Variants in CNTNAP1 observed in about 807,000 individuals in gnomAD.
CNTNAP1 encodes the protein contactin-associated protein 1.
In CNTNAP1, 80 loss-of-function variants were observed where a neutral mutation model predicts 161.5. The ratio of observed to expected loss-of-function variants is 0.50; its 90% CI spans 0.41 to 0.60. CNTNAP1 has a LOEUF of 0.60. Among genes scored for constraint, CNTNAP1 ranks in the 20% least tolerant of loss-of-function variants. CNTNAP1 has a pLI of 0.00. For synonymous variants in CNTNAP1, 695 were observed against 733.1 expected, an observed-to-expected ratio of 0.95 and a Z score of 0.84; for missense variants, 1,464 against 1,854.8, an observed-to-expected ratio of 0.79 and a Z score of 3.87.
Position 42,682,652 on chromosome 17 carries a change from A to C in CNTNAP1, c.-178A>C. 7 of 610,318 alleles carry C rather than the reference A, an allele frequency of 1.1e-5. No individual in the cohort carries two copies. The highest frequency in any genetic ancestry group is 1.8e-5 in the Non-Finnish European group (6 of 342,364). 37.8% of individuals were successfully genotyped at this position (610,318 alleles called of 1,614,324 possible). A position where few individuals can be genotyped will look rare whatever the true frequency, so the allele number is the denominator to read the frequency against. On this transcript the variant is annotated 5_prime_UTR_variant, in exon 1 of 24. Coordinates refer to ENST00000264638, the MANE Select transcript of CNTNAP1 (RefSeq NM_003632.3). Reference sequence around the variant, plus strand: ...CAGGAACCAGAGAGAGAGAGAGAGAAAAGAGAGAGGAGAGACAGAGCGCTT... The same window carrying C: ...CAGGAACCAGAGAGAGAGAGAGAGACAAGAGAGAGGAGAGACAGAGCGCTT...
chr17:42,684,897 C>T (rs2052983909), intron 3 of CNTNAP1, 94 bp from the exon 4 acceptor site: 1 of 1,438,950 alleles, frequency 6.9e-7, no homozygotes. Context: ...CGCACTCCAG[C>T]CTGGGCGACA....
intron 3 of CNTNAP1, 121 bp downstream of exon 3, chr17:42,684,350 ACT>A: frequency 4.5e-6 from 4 of 890,686 alleles, no homozygotes; most frequent in South Asian, 1.6e-5. Flanking sequence ...AGGAGCAGTG[ACT>A]CCACTCCAGG....
chr17:42,683,909 C>T lies in CNTNAP1; in HGVS notation c.156C>T (p.Phe52=). 1 of 1,613,824 alleles carries T rather than the reference C, an allele frequency of 6.2e-7. No individual in the cohort carries two copies. Among genetic ancestry groups the T allele is most frequent in the Non-Finnish European group, 8.5e-7 (1 of 1,179,948 alleles). The change falls in exon 2 of 24, where the codon TTC becomes TTT. Residue 52 remains phenylalanine (F), a synonymous_variant. Coordinates refer to ENST00000264638, the MANE Select transcript of CNTNAP1 (RefSeq NM_003632.3). The stretch of plus-strand genomic sequence containing the variant: ...ACAGTCTCCTTACTGCGCCGAGATT[C>T]GCCAGGCTGCACGGTGAGCTCCGCG... ...SYYSLLTAPR[F]ARLHGISGWS...
Position 42,698,534 on chromosome 17 carries a change from C to CGCGTGTGT in CNTNAP1, c.3863-83_3863-82insCGTGTGTG, listed in dbSNP as rs1460008129. On this transcript the variant is annotated intron_variant, in intron 23 of 23. Coordinates refer to ENST00000264638, the MANE Select transcript of CNTNAP1 (RefSeq NM_003632.3). ...TATACAGGTGAAATCTCAAAGAGTG[C>CGCGTGTGT]GTGTGTGTGTGTGTGTGTGTGTGTG... The CGCGTGTGT allele has an allele frequency of 8.1e-6, 7 of 865,210 alleles. No individual in the cohort carries two copies. In the African/African-American group the frequency reaches 1.3e-4, roughly 17 times the overall value. The allele number at this position is 865,210 out of a possible 1,614,324, so 53.6% of individuals were successfully genotyped here. A position where few individuals can be genotyped will look rare whatever the true frequency, so the allele number is the denominator to read the frequency against.
chr17:42,686,224 C>T (rs2053005767), intron 6 of CNTNAP1, 83 bp downstream of exon 6: 1 of 1,391,026 alleles, frequency 7.2e-7, no homozygotes, highest in Admixed American at 1.7e-5. Flanking sequence ...TTTCTCTTTT[C>T]CTCTGTCTCT....
Position 42,687,474 on chromosome 17 carries a change from T to C in CNTNAP1, c.1045-246T>C. On this transcript the variant is annotated intron_variant, in intron 7 of 23. Coordinates refer to ENST00000264638, the MANE Select transcript of CNTNAP1 (RefSeq NM_003632.3). The surrounding 1 kb of genome is among the most constrained non-coding windows in gnomAD (Gnocchi z 4.7). ...CTCGATACTGGAAGGAGAGAAGCGG[T>C]CGAATCGCAGACGGTGGAGATCAGC... 1 of 575,382 alleles carries C rather than the reference T, an allele frequency of 1.7e-6. No homozygotes were observed. Among genetic ancestry groups the C allele is most frequent in the Admixed American group, 3.2e-5 (1 of 31,022 alleles). The allele number at this position is 575,382 out of a possible 1,614,324, so 35.6% of individuals were successfully genotyped here.
chr17:42,698,495 A>G (rs2053180556), intron 23 of CNTNAP1, 123 bp from the exon 24 acceptor site: 2 of 771,454 alleles, frequency 2.6e-6, no homozygotes, highest in Admixed American at 2.9e-5. Context: ...GTGAAATCCC[A>G]AAGTGTGTGT....
At position 42,698,955 on chromosome 17, in the gene CNTNAP1, C is replaced by G. The variant is rs1360469755; in HGVS notation, c.*45C>G. 3 of 1,472,352 alleles carry G rather than the reference C, an allele frequency of 2.0e-6. No individual in the cohort carries two copies. Among genetic ancestry groups the G allele is most frequent in the Admixed American group, 4.6e-5 (2 of 43,798 alleles). 91.2% of individuals were successfully genotyped at this position (1,472,352 alleles called of 1,614,324 possible). ...CCAATTCCAGCTCCTGACATTCCCC[C>G]AGTCCTGCCTCTCCCCCATCCTATC... is the stretch of plus-strand genomic sequence containing the variant. On this transcript the variant is annotated 3_prime_UTR_variant, in exon 24 of 24. Transcript: ENST00000264638.
Position 42,694,610 on chromosome 17 carries a change from G to C in CNTNAP1, c.2993-911G>C, listed in dbSNP as rs561427736. On this transcript the variant is annotated intron_variant, in intron 18 of 23. Transcript: ENST00000264638. ...GTGCCACTGCACTCCAGCCTGGGGGGCACAGCAAGGACTGTGTCTACAAAA... is the reference window on the plus strand; with the variant it reads ...GTGCCACTGCACTCCAGCCTGGGGGCCACAGCAAGGACTGTGTCTACAAAA... 1.1e-4 allele frequency among the ~76,000 whole-genome samples: 16 copies of C among 148,566 alleles called. 1 individual carries two copies. Among genetic ancestry groups the C allele is most frequent in the Admixed American group, 1.1e-3 (16 of 14,884 alleles).
At chr17:42,682,929 G>C in intron 1 of CNTNAP1, 33 bp downstream of exon 1, 1 of 1,573,286 alleles carries the variant, frequency 6.4e-7, no homozygotes, top group Non-Finnish European at 8.6e-7. Flanking sequence ...GGTGGGGTTG[G>C]GCCCAGGAGT....
intron 18 of CNTNAP1, among the ~76,000 whole-genome samples, chr17:42,694,523 G>A (rs954822457): frequency 2.0e-5 from 3 of 151,982 alleles, no homozygotes; most frequent in Non-Finnish European, 2.9e-5. Flanking sequence ...CTAGCTACTC[G>A]GGAGGCTGAG....
rs36010851 is a variant in CNTNAP1 at position 42,693,251 on chromosome 17, G to A, written c.2753-46G>A. On this transcript the variant is annotated intron_variant, in intron 17 of 23. Coordinates refer to ENST00000264638, the MANE Select transcript of CNTNAP1 (RefSeq NM_003632.3). The stretch of plus-strand genomic sequence containing the variant: ...TGGGATTACAGGCGTGAGCCACCGC[G>A]CCTGGCCCTGCCTCCATTTCTTGAC... The A allele has an allele frequency of 7.4e-3, 11,864 of 1,608,082 alleles. 51 individuals are homozygous for A. Among genetic ancestry groups the A allele is most frequent in the Middle Eastern group, 0.02 (120 of 6,026 alleles).
At chr17:42,692,828 G>A in intron 17 of CNTNAP1, 108 bp downstream of exon 17, 2 of 949,010 alleles carry the variant, frequency 2.1e-6, no homozygotes, top group Non-Finnish European at 3.1e-6. Flanking sequence ...AGTCCCCTCT[G>A]CTTCAGAGCA....
In CNTNAP1 at chr17:42,695,588, A is replaced by G; in HGVS notation, c.3060A>G (p.Ala1020=). The stretch of plus-strand genomic sequence containing the variant: ...ACCTACAGTCAGCGCTGCGCTCTGC[A>G]GCCAGGGAGTTCTCCCACATGCTGA... ...RYNLQSALRS[A]AREFSHMLSR... The change falls in exon 19 of 24, where the codon GCA becomes GCG. Residue 1020 remains alanine (A), a synonymous_variant. Coordinates refer to ENST00000264638, the MANE Select transcript of CNTNAP1 (RefSeq NM_003632.3). The G allele has an allele frequency of 6.2e-7, 1 of 1,614,168 alleles. No homozygotes were observed. Among genetic ancestry groups the G allele is most frequent in the Non-Finnish European group, 8.5e-7 (1 of 1,180,024 alleles).
rs376191369 is a variant in CNTNAP1 at position 42,693,556 on chromosome 17, G to A, written c.2992+20G>A. The A allele has an allele frequency of 2.5e-6, 4 of 1,608,304 alleles. No individual in the cohort carries two copies. The African/African-American group carries it at 4.0e-5, about 16-fold the overall frequency. ...ACCACGGTAAGTGCTGCTGGTTATG[G>A]GGCAACAGGGAGCCATAGGGTGTAA... On this transcript the variant is annotated intron_variant, in intron 18 of 23. Transcript: ENST00000264638.
Position 42,698,715 on chromosome 17 carries a change from C to T in CNTNAP1, c.3960C>T (p.Pro1320=), listed in dbSNP as rs144975726. The T allele has an allele frequency of 3.8e-5, 62 of 1,613,510 alleles. No individual in the cohort carries two copies. The highest frequency in any genetic ancestry group is 5.3e-5 in the Non-Finnish European group (62 of 1,179,908). The change falls in exon 24 of 24, where the codon CCC becomes CCT. Residue 1320 remains proline (P), a synonymous_variant. Coordinates refer to ENST00000264638, the MANE Select transcript of CNTNAP1 (RefSeq NM_003632.3). ...AGGGCTCCTACCATACCAATGAGCC[C>T]AAGGCTGCCCACGAGTACCATCCTG... ...RYKGSYHTNE[P]KAAHEYHPGS... is the part of the protein sequence containing the mutation.
Position 42,688,995 on chromosome 17 carries a change from C to T in CNTNAP1, c.1576C>T (p.Arg526Trp), listed in dbSNP as rs760759398. Residue 526 changes from arginine to tryptophan, a missense_variant, in exon 10 of 24, where the codon CGG becomes TGG. Coordinates refer to ENST00000264638, the MANE Select transcript of CNTNAP1 (RefSeq NM_003632.3). ...LVNLTLVEGR[R>W]LGFYAEVLFD... ...CAACCTGACTCTGGTGGAGGGCCGGCGGCTTGGATTCTATGCTGAGGTCCT... is the reference window on the plus strand; with the variant it reads ...CAACCTGACTCTGGTGGAGGGCCGGTGGCTTGGATTCTATGCTGAGGTCCT... 1.4e-5 allele frequency: 23 copies of T among 1,611,222 alleles called. No homozygotes were observed. The highest frequency in any genetic ancestry group is 1.8e-5 in the Non-Finnish European group (21 of 1,178,488).
rs780146066 is a variant in CNTNAP1, at chr17:42,686,964, G to A, written c.962G>A (p.Arg321His). The A allele has an allele frequency of 6.2e-7, 1 of 1,613,952 alleles. No homozygotes were observed. Among genetic ancestry groups the A allele is most frequent in the Admixed American group, 1.7e-5 (1 of 60,028 alleles). The change falls in exon 7 of 24, where the codon CGC becomes CAC. Residue 321 changes from arginine to histidine, a missense_variant. Coordinates refer to ENST00000264638, the MANE Select transcript of CNTNAP1 (RefSeq NM_003632.3). ...AACCTGGCCTATCGGCATAACTTCC[G>A]CGGCTGCATAGAAAACGTAATCTTC... ...RKNLAYRHNF[R>H]GCIENVIFNR...
rs776187677 is a variant in CNTNAP1 at position 42,683,841 on chromosome 17, G to A, written c.88G>A (p.Val30Met). Residue 30 changes from valine to methionine, a missense_variant, in exon 2 of 24, where the codon GTG becomes ATG. Physicochemically the swap from Val to Met is conservative, Grantham distance 21. Transcript: ENST00000264638. Reference protein sequence around the residue: ...WGYYGCDEELVGPLYARSLGA... With the variant: ...WGYYGCDEELMGPLYARSLGA... ...CCTAGACGGCTGCGACGAGGAGCTG[G>A]TGGGTCCCCTGTATGCACGCTCCCT... 6.2e-7 allele frequency: 1 copy of A among 1,612,294 alleles called. No individual in the cohort carries two copies. Among genetic ancestry groups the A allele is most frequent in the Non-Finnish European group, 8.5e-7 (1 of 1,179,964 alleles).
Sources: allele counts gnomAD v4.1 joint callset (sites outside exome capture counted in the v4.1 genomes callset), GRCh38; gene constraint gnomAD v4.1.1; non-coding constraint Gnocchi (gnomAD v3.1); transcripts MANE v1.5; gene names NCBI Gene and HGNC (gene_info 2026-07-23, HGNC 2026-07-21).